Variants in MLLT3 observed in about 807,000 individuals in gnomAD.
MLLT3 encodes protein AF-9.
MLLT3 carries 4 observed loss-of-function variants against 53.2 expected under a neutral mutation model. The ratio of observed to expected loss-of-function variants is 0.08; its 90% CI spans 0.04 to 0.17. The LOEUF is 0.17. MLLT3 is among the 10% of genes least tolerant of loss of function. The probability of loss-of-function intolerance (pLI) is 1.00; values close to 1 mark genes in which losing one functional copy is unlikely to be tolerated. For synonymous variants in MLLT3, 283 were observed against 230.6 expected, an observed-to-expected ratio of 1.23 and a Z score of -2.06; for missense variants, 569 against 684.0, an observed-to-expected ratio of 0.83 and a Z score of 1.87.
chr9:20,386,702 C>A (rs930832607), intron 5 of MLLT3, among the ~76,000 whole-genome samples: 5 of 152,086 alleles, frequency 3.3e-5, no homozygotes, highest in African/African-American at 1.2e-4. Context: ...ATATTCTAGA[C>A]CCCAAAAAAT....
intron 2 of MLLT3, among the ~76,000 whole-genome samples, chr9:20,508,712 C>A (rs1825446081): frequency 6.6e-6 from 1 of 151,922 alleles, no homozygotes; most frequent in Non-Finnish European, 1.5e-5. Flanking sequence ...AGTTTTAAAC[C>A]CAAACGGCTA....
intron 2 of MLLT3, among the ~76,000 whole-genome samples, chr9:20,601,688 G>C (rs763916921): frequency 2.7e-5 from 4 of 150,598 alleles, no homozygotes; most frequent in Non-Finnish European, 5.9e-5. Context: ...CAATAATGTA[G>C]CTTCAATAAA....
At chr9:20,365,592 C>T (rs1821429538) in intron 6 of MLLT3, 77 bp downstream of exon 6, 7 of 1,516,262 alleles carry the variant, frequency 4.6e-6, no homozygotes, top group Middle Eastern at 1.8e-4. Context: ...TCTTGATCCA[C>T]CCGTGTCAGC....
At chr9:20,418,299 C>T (rs1319303827) in intron 4 of MLLT3, 1 of 152,224 alleles carries the variant, frequency 6.6e-6, no homozygotes, top group Non-Finnish European at 1.5e-5. Flanking sequence ...AGAGGGATGA[C>T]AAGCCATCTG....
chr9:20,353,004 T>G (rs536785739), intron 10 of MLLT3, among the ~76,000 whole-genome samples: 1 of 152,238 alleles, frequency 6.6e-6, no homozygotes, highest in East Asian at 1.9e-4. Flanking sequence ...ACTCTACAAG[T>G]ATTCCACTAC....
intron 2 of MLLT3, among the ~76,000 whole-genome samples, chr9:20,586,821 G>C (rs1306681307): frequency 6.6e-6 from 1 of 151,956 alleles, no homozygotes; most frequent in East Asian, 1.9e-4. Context: ...GAGCAAGTTG[G>C]GAGGAGAAAA....
intron 4 of MLLT3, among the ~76,000 whole-genome samples, chr9:20,431,673 G>GT (rs1438071279): frequency 1.3e-5 from 2 of 151,910 alleles, no homozygotes; most frequent in Non-Finnish European, 2.9e-5. Context: ...TCTTGCATGG[G>GT]TATACTAGAC....
At chr9:20,433,171 C>T (rs1368049629) in intron 4 of MLLT3, among the ~76,000 whole-genome samples, 3 of 151,970 alleles carry the variant, frequency 2.0e-5, no homozygotes, top group Non-Finnish European at 2.9e-5. Context: ...ACCAAAAGGG[C>T]CTGCTCTTCG....
At chr9:20,434,648 T>A (rs137864657) in intron 4 of MLLT3, among the ~76,000 whole-genome samples, 200 of 152,318 alleles carry the variant, frequency 1.3e-3, no homozygotes, top group African/African-American at 4.5e-3. Flanking sequence ...AAAGGCTTCC[T>A]TATACAAATT....
chr9:20,422,091 T>C (rs958115037), intron 4 of MLLT3, among the ~76,000 whole-genome samples: 6 of 151,864 alleles, frequency 4.0e-5, no homozygotes, highest in Non-Finnish European at 8.8e-5. Flanking sequence ...TCTCAGTCAA[T>C]GGGCAGAAGA....
At chr9:20,578,861 A>T (rs1364798998) in intron 2 of MLLT3, among the ~76,000 whole-genome samples, 3 of 152,312 alleles carry the variant, frequency 2.0e-5, no homozygotes, top group African/African-American at 7.2e-5. Context: ...AATTATTTAT[A>T]GATATGTTAA....
At chr9:20,384,596 T>G (rs555430589) in intron 5 of MLLT3, among the ~76,000 whole-genome samples, 13 of 152,084 alleles carry the variant, frequency 8.5e-5, no homozygotes, top group Non-Finnish European at 1.5e-4. Flanking sequence ...CTAACACAAT[T>G]ATCATCAATG....
chr9:20,449,378 T>C (rs890527758), intron 3 of MLLT3, among the ~76,000 whole-genome samples: 5 of 152,158 alleles, frequency 3.3e-5, no homozygotes, highest in Non-Finnish European at 5.9e-5. Context: ...AAGAATACAA[T>C]AATTAGAATT....
chr9:20,481,665 G>A (rs766944779), intron 2 of MLLT3, among the ~76,000 whole-genome samples: 19 of 152,042 alleles, frequency 1.2e-4, no homozygotes, highest in African/African-American at 3.9e-4. Context: ...GCTCTGCTCC[G>A]TTCCGCCTAC....
At chr9:20,463,709 G>A (rs1181075088) in intron 2 of MLLT3, among the ~76,000 whole-genome samples, 1 of 152,016 alleles carries the variant, frequency 6.6e-6, no homozygotes, top group African/African-American at 2.4e-5. Flanking sequence ...CTTCAGAGAA[G>A]GTTCAACCTA....
intron 2 of MLLT3, among the ~76,000 whole-genome samples, chr9:20,600,154 A>AAC (rs1344928126): frequency 6.6e-6 from 1 of 151,428 alleles, no homozygotes; most frequent in Admixed American, 6.6e-5. Context: ...ACAAAAAAAA[A>AAC]ACACTTAGTT....
chr9:20,504,908 C>T (rs1323943169), intron 2 of MLLT3, among the ~76,000 whole-genome samples: 1 of 151,560 alleles, frequency 6.6e-6, no homozygotes, highest in Admixed American at 6.6e-5. Flanking sequence ...CTTGATGAGA[C>T]CCATGTTTTC....
intron 2 of MLLT3, among the ~76,000 whole-genome samples, chr9:20,459,999 T>C (rs547053417): frequency 3.2e-4 from 48 of 152,214 alleles, no homozygotes; most frequent in Non-Finnish European, 5.1e-4. Flanking sequence ...GGAAGTTGTT[T>C]ATTTATTTGG....
intron 2 of MLLT3, among the ~76,000 whole-genome samples, chr9:20,602,020 G>C (rs1408188640): frequency 1.3e-5 from 2 of 152,104 alleles, no homozygotes; most frequent in Non-Finnish European, 2.9e-5. Flanking sequence ...AAACACAGAA[G>C]ATAAAATGTT....
Sources: gnomAD v4.1 joint callset for allele counts (sites outside exome capture counted in the v4.1 genomes callset) on GRCh38, gnomAD v4.1.1 for gene constraint, MANE v1.5 for transcripts, NCBI Gene and HGNC (gene_info 2026-07-23, HGNC 2026-07-21) for gene names.